POM121: variants seen among roughly 807,000 people sequenced by gnomAD.
POM121 encodes the protein nuclear envelope pore membrane protein POM 121.
A neutral mutation model predicts 81.3 loss-of-function variants in POM121; 32 were observed. The ratio of observed to expected loss-of-function variants is 0.39; its 90% CI spans 0.30 to 0.53. The LOEUF (loss-of-function observed/expected upper bound fraction) is 0.53, where lower values mean the gene tolerates loss of function less well. Ranked by LOEUF, POM121 falls within the 20% of genes least tolerant of loss-of-function variation. The pLI is 0.66. For synonymous variants in POM121, 514 were observed against 694.2 expected, an observed-to-expected ratio of 0.74 and a Z score of 4.08; for missense variants, 1,138 against 1,614.6, an observed-to-expected ratio of 0.70 and a Z score of 5.06.
chr7:72,937,209 C>T (rs1174777532), intron 5 of POM121, among the ~76,000 whole-genome samples: 5 of 150,816 alleles, frequency 3.3e-5, no homozygotes, highest in African/African-American at 4.9e-5. Context: ...GAGCTGAGAT[C>T]GCGCCACTGC....
chr7:72,886,843 G>C (rs1554490139), intron 1 of POM121, among the ~76,000 whole-genome samples: 1 of 149,500 alleles, frequency 6.7e-6, no homozygotes, highest in Non-Finnish European at 1.5e-5. Context: ...TTTATCACTA[G>C]TTTTGGACAA....
upstream of POM121, among the ~76,000 whole-genome samples, chr7:72,921,877 T>C (rs782426898): frequency 1.3e-5 from 2 of 152,228 alleles, no homozygotes; most frequent in Non-Finnish European, 2.9e-5. Flanking sequence ...GTGTTCGAAT[T>C]GTCTGTGATA....
At chr7:72,926,035 C>T (rs1478923049) in intron 1 of POM121, among the ~76,000 whole-genome samples, 1 of 152,116 alleles carries the variant, frequency 6.6e-6, no homozygotes, top group African/African-American at 2.4e-5. Context: ...TTTAGATTTT[C>T]CCTCTCAAAC....
At chr7:72,915,534 G>A (rs1400507563) in intron 4 of POM121, among the ~76,000 whole-genome samples, 3 of 152,114 alleles carry the variant, frequency 2.0e-5, no homozygotes, top group South Asian at 2.1e-4. Flanking sequence ...TACTACACCC[G>A]GCTAAATTTT....
At chr7:72,914,562 T>C (rs781897809) in intron 4 of POM121, among the ~76,000 whole-genome samples, 104 of 151,504 alleles carry the variant, frequency 6.9e-4, no homozygotes, top group Admixed American at 1.4e-3. Flanking sequence ...GCTGTAGAGA[T>C]AGGGTCTCGC....
At chr7:72,890,518 A>C (rs1791199676) in intron 1 of POM121, 4 of 1,283,612 alleles carry the variant, frequency 3.1e-6, no homozygotes, top group Non-Finnish European at 4.3e-6. Flanking sequence ...TCTGTAACAT[A>C]AAATAAGGTA....
At chr7:72,887,227 CT>C (rs1257857730) in intron 1 of POM121, among the ~76,000 whole-genome samples, 291 of 152,108 alleles carry the variant, frequency 1.9e-3, no homozygotes, top group African/African-American at 6.7e-3. Context: ...TTTTTTACAT[CT>C]TGCCTGTCTT....
At chr7:72,923,755 A>G (rs558037532), upstream of POM121, among the ~76,000 whole-genome samples, 1 of 146,868 alleles carries the variant, frequency 6.8e-6, no homozygotes, top group Admixed American at 6.8e-5. Context: ...GCCCGCCACT[A>G]CGCCCGGCTA....
chr7:72,915,555 A>T (rs1435060075), intron 4 of POM121, among the ~76,000 whole-genome samples: 10 of 152,034 alleles, frequency 6.6e-5, no homozygotes, highest in African/African-American at 2.4e-4. Context: ...TTGTATTTTT[A>T]ATAGAGACAG....
At chr7:72,889,175 C>A (rs1378133460) in intron 1 of POM121, among the ~76,000 whole-genome samples, 2 of 152,152 alleles carry the variant, frequency 1.3e-5, no homozygotes, top group Middle Eastern at 3.2e-3. Flanking sequence ...CTAACTTAAC[C>A]CAGAAAGTTA....
intron 5 of POM121, among the ~76,000 whole-genome samples, chr7:72,932,943 T>G (rs1375162830): frequency 1.3e-5 from 2 of 151,206 alleles, no homozygotes; most frequent in Non-Finnish European, 2.9e-5. Context: ...TCCCAGCTAC[T>G]CAGGAGGCTG....
At chr7:72,920,709 T>C (rs1794743827), upstream of POM121, among the ~76,000 whole-genome samples, 2 of 152,152 alleles carry the variant, frequency 1.3e-5, no homozygotes, top group South Asian at 4.1e-4. Context: ...GTATTTAAGA[T>C]CATTGGAAAG....
chr7:72,910,123 G>A (rs1454237073), intron 3 of POM121, among the ~76,000 whole-genome samples: 4 of 152,206 alleles, frequency 2.6e-5, no homozygotes, highest in Admixed American at 6.5e-5. Context: ...TGCTGCTAGC[G>A]TTCATTTAAT....
At chr7:72,921,708 C>A (rs1244206300), upstream of POM121, among the ~76,000 whole-genome samples, 1 of 152,134 alleles carries the variant, frequency 6.6e-6, no homozygotes, top group African/African-American at 2.4e-5. Context: ...TTTTTAACAG[C>A]TTTATTAATC....
chr7:72,886,866 A>G (rs1790769287), intron 1 of POM121, among the ~76,000 whole-genome samples: 3 of 149,860 alleles, frequency 2.0e-5, no homozygotes, highest in Non-Finnish European at 3.0e-5. Flanking sequence ...TGATTGCAAT[A>G]TGTCATGGTA....
Position 72,925,195 on chromosome 7 carries a change from G to T in POM121, c.74G>T (p.Gly25Val), listed in dbSNP as rs1795260087. The T allele has an allele frequency of 6.6e-7, 1 of 1,521,106 alleles. No individual in the cohort carries two copies. Among genetic ancestry groups the T allele is most frequent in the South Asian group, 1.2e-5 (1 of 82,622 alleles). 94.2% of individuals were successfully genotyped at this position (1,521,106 alleles called of 1,614,324 possible). ...RPIASVRDGR[G>V]RGCGGPARAV... The stretch of plus-strand genomic sequence containing the variant: ...ATAGCGAGTGTCAGGGACGGCCGGG[G>T]CCGGGGCTGCGGCGGGCCGGCCAGG... The change falls in exon 1 of 13, where the codon GGC (glycine) becomes GTC (valine). Residue 25 changes from glycine to valine, a missense_variant. Physicochemically the swap from Gly to Val is moderately radical, Grantham distance 109. Transcript: ENST00000434423.
At chr7:72,880,219 A>G (rs1790001230) in intron 1 of POM121, among the ~76,000 whole-genome samples, 1 of 152,116 alleles carries the variant, frequency 6.6e-6, no homozygotes, top group African/African-American at 2.4e-5. Context: ...CTCTCACTTA[A>G]GTGTCTGCTG....
intron 4 of POM121, among the ~76,000 whole-genome samples, chr7:72,919,367 A>G (rs1166302192): frequency 2.6e-5 from 4 of 152,054 alleles, no homozygotes; most frequent in South Asian, 2.1e-4. Flanking sequence ...ACCATTTTCA[A>G]TGCCTGTCAT....
At chr7:72,911,566 G>A (rs540271902) in intron 3 of POM121, among the ~76,000 whole-genome samples, 64 of 152,300 alleles carry the variant, frequency 4.2e-4, no homozygotes, top group African/African-American at 1.5e-3. Flanking sequence ...AGCCTGCACC[G>A]CAGTCACTGT....
Sources: allele counts gnomAD v4.1 joint callset (sites outside exome capture counted in the v4.1 genomes callset), GRCh38; gene constraint gnomAD v4.1.1; transcripts MANE v1.5; gene names NCBI Gene and HGNC (gene_info 2026-07-23, HGNC 2026-07-21).